FAM227B: variants seen among roughly 807,000 people sequenced by gnomAD.
FAM227B encodes the protein protein FAM227B.
Under a neutral mutation model 73.8 loss-of-function variants are expected in FAM227B, and 88 were observed. The ratio of observed to expected loss-of-function variants is 1.19; its 90% CI spans 1.00 to 1.42. FAM227B has a LOEUF of 1.42. FAM227B is among the 40% of genes most tolerant of loss of function. The pLI is 0.00. For synonymous variants in FAM227B, 210 were observed against 190.5 expected (o/e 1.10, Z -0.84); for missense variants, 632 against 590.9 (o/e 1.07, Z -0.72).
rs57123974 is a variant in FAM227B at position 49,525,665 on chromosome 15, AATATATATATATATATATATAT to A, written c.874+15993_874+16014del. ...GAGACTCAAAGTTAAAGGGTGGAGA[AATATATATATATATATATATAT>A]ATATATATATATATATATATATATA... On this transcript the variant is annotated intron_variant, in intron 10 of 15. Coordinates refer to ENST00000299338, the MANE Select transcript of FAM227B (RefSeq NM_152647.3). Among the ~76,000 whole-genome samples the A allele has an allele frequency of 4.7e-3, 379 of 81,484 alleles. 9 individuals carry two copies. Among genetic ancestry groups the A allele is most frequent in the East Asian group, 0.019 (45 of 2,336 alleles). 53.5% of individuals were successfully genotyped at this position (81,484 alleles called of 152,430 possible).
chr15:49,541,493 T>C (rs1261242859), intron 10 of FAM227B, among the ~76,000 whole-genome samples, 187 bp downstream of exon 10: 2 of 152,132 alleles, frequency 1.3e-5, no homozygotes, highest in Admixed American at 6.6e-5. Flanking sequence ...TAATAAGTAA[T>C]TAATTATGGT....
intron 1 of FAM227B, among the ~76,000 whole-genome samples, chr15:49,619,008 A>G (rs1371202111): frequency 6.6e-6 from 1 of 152,158 alleles, no homozygotes; most frequent in Non-Finnish European, 1.5e-5. Context: ...AAATTGATAC[A>G]TGTCATTTTT....
intron 10 of FAM227B, among the ~76,000 whole-genome samples, chr15:49,537,421 T>C (rs1037656865): frequency 2.6e-5 from 4 of 152,070 alleles, no homozygotes; most frequent in Non-Finnish European, 5.9e-5. Flanking sequence ...ATTAAAAAAA[T>C]TGGTAAGGGT....
intron 10 of FAM227B, among the ~76,000 whole-genome samples, chr15:49,512,924 C>A (rs1567450360): frequency 6.6e-6 from 1 of 152,162 alleles, no homozygotes; most frequent in African/African-American, 2.4e-5. Context: ...CTGCAGAGGG[C>A]ATGATCTGAT....
chr15:49,494,546 G>A (rs2057430223), intron 11 of FAM227B, among the ~76,000 whole-genome samples: 1 of 152,014 alleles, frequency 6.6e-6, no homozygotes, highest in Admixed American at 6.6e-5. Flanking sequence ...GTCCTCTTAG[G>A]ATACTGCTTC....
At chr15:49,466,617 G>C (rs187742198) in intron 11 of FAM227B, among the ~76,000 whole-genome samples, 6 of 152,222 alleles carry the variant, frequency 3.9e-5, no homozygotes, top group African/African-American at 1.4e-4. Context: ...AAAGTCAGAA[G>C]GGCTGGAGGC....
intron 9 of FAM227B, among the ~76,000 whole-genome samples, chr15:49,554,389 C>T (rs1157997807): frequency 2.6e-5 from 4 of 152,152 alleles, no homozygotes; most frequent in African/African-American, 9.7e-5. Flanking sequence ...AGTCGCAGTC[C>T]TTATGGCCTA....
chr15:49,493,129 C>T (rs1369928349), intron 11 of FAM227B, among the ~76,000 whole-genome samples: 1 of 151,940 alleles, frequency 6.6e-6, no homozygotes, highest in East Asian at 1.9e-4. Flanking sequence ...TTCATGACCT[C>T]ATTAAATTGT....
chr15:49,415,205 A>T (rs1184819709), intron 11 of FAM227B, among the ~76,000 whole-genome samples: 1 of 152,166 alleles, frequency 6.6e-6, no homozygotes, highest in African/African-American at 2.4e-5. Context: ...TTTACCCCTC[A>T]TTTTGCTGCC....
chr15:49,595,731 G>A (rs1431342700), intron 3 of FAM227B, among the ~76,000 whole-genome samples: 1 of 149,312 alleles, frequency 6.7e-6, no homozygotes, highest in Non-Finnish European at 1.5e-5. Flanking sequence ...TACAGAATAT[G>A]GACAACAAAA....
intron 11 of FAM227B, among the ~76,000 whole-genome samples, chr15:49,429,135 C>A (rs2050374175): frequency 6.6e-6 from 1 of 151,952 alleles, no homozygotes; most frequent in African/African-American, 2.4e-5. Context: ...TTATCAGAAT[C>A]AAAAATAGCA....
chr15:49,601,344 ATTATG>A (rs1490503179), intron 3 of FAM227B, among the ~76,000 whole-genome samples: 3 of 152,034 alleles, frequency 2.0e-5, no homozygotes, highest in East Asian at 3.9e-4. Context: ...TCTTACAGTT[ATTATG>A]TTATATTTTG....
intron 11 of FAM227B, among the ~76,000 whole-genome samples, chr15:49,395,712 C>A (rs2047533040): frequency 6.6e-6 from 1 of 152,198 alleles, no homozygotes; most frequent in Non-Finnish European, 1.5e-5. Flanking sequence ...TCTGAAGTCT[C>A]TATGATGTCT....
chr15:49,581,514 C>T (rs887028242), intron 5 of FAM227B, among the ~76,000 whole-genome samples: 1 of 151,978 alleles, frequency 6.6e-6, no homozygotes, highest in Non-Finnish European at 1.5e-5. Flanking sequence ...GATGGGGTTT[C>T]ACCATGTTGG....
At chr15:49,507,248 C>T (rs1359804526) in intron 11 of FAM227B, among the ~76,000 whole-genome samples, 1 of 152,002 alleles carries the variant, frequency 6.6e-6, no homozygotes, top group African/African-American at 2.4e-5. Context: ...GCTCTAAATT[C>T]AAAATTCTCA....
At chr15:49,381,400 C>G (rs566621905) in intron 11 of FAM227B, among the ~76,000 whole-genome samples, 3 of 152,148 alleles carry the variant, frequency 2.0e-5, no homozygotes, top group Admixed American at 6.5e-5. Flanking sequence ...CCAGGAGATA[C>G]AGCAATTATC....
intron 11 of FAM227B, among the ~76,000 whole-genome samples, chr15:49,494,286 C>CAT (rs2057400645): frequency 1.3e-5 from 2 of 151,476 alleles, no homozygotes; most frequent in South Asian, 4.2e-4. Context: ...CACACACACA[C>CAT]ACACCCTAAA....
intron 11 of FAM227B, among the ~76,000 whole-genome samples, chr15:49,506,846 AAGAAAG>A (rs1442208711): frequency 3.9e-5 from 6 of 152,102 alleles, no homozygotes; most frequent in African/African-American, 1.4e-4. Context: ...GTGAAAAAAG[AAGAAAG>A]AGAATGATTT....
intron 11 of FAM227B, among the ~76,000 whole-genome samples, chr15:49,379,493 G>A (rs1156566637): frequency 2.6e-5 from 4 of 152,116 alleles, no homozygotes; most frequent in Admixed American, 1.3e-4. Flanking sequence ...TTGAGGTTTT[G>A]GATTTATTTA....
Sources: gnomAD v4.1 joint callset for allele counts (sites outside exome capture counted in the v4.1 genomes callset) on GRCh38, gnomAD v4.1.1 for gene constraint, MANE v1.5 for transcripts, NCBI Gene and HGNC (gene_info 2026-07-23, HGNC 2026-07-21) for gene names.